The following FGD5 variants were observed in gnomAD, a reference collection of about 807,000 sequenced individuals.
FGD5 encodes the protein FYVE, RhoGEF and PH domain containing 5, also known as FYVE, RhoGEF and PH domain-containing protein 5.
A neutral mutation model predicts 133.4 loss-of-function variants in FGD5; 28 were observed. That is an observed-to-expected ratio of 0.21 (90% CI 0.16 to 0.29). FGD5 has a LOEUF of 0.29. Among genes scored for constraint, FGD5 ranks in the 10% least tolerant of loss-of-function variants. The pLI, the probability that FGD5 is intolerant of heterozygous loss-of-function variation, is 1.00. For synonymous variants in FGD5, 810 were observed against 776.5 expected, an observed-to-expected ratio of 1.04 and a Z score of -0.72; for missense variants, 1,858 against 1,895.2, an observed-to-expected ratio of 0.98 and a Z score of 0.36.
chr3:14,851,647 T>C (rs1289686348), intron 1 of FGD5, among the ~76,000 whole-genome samples: 5 of 152,294 alleles, frequency 3.3e-5, no homozygotes, highest in South Asian at 4.1e-4. Context: ...GGCTTACATA[T>C]TGTTCTTGAA....
At position 14,922,895 on chromosome 3, in the gene FGD5, A is replaced by G; in HGVS notation, c.3808-151A>G. ...CAGAAACAAGATGAAGCCTTGCCGGAAAAGTAGGGGACACGCACAGCTCCA... is the reference window on the plus strand; with the variant it reads ...CAGAAACAAGATGAAGCCTTGCCGGGAAAGTAGGGGACACGCACAGCTCCA... On this transcript the variant is annotated intron_variant, in intron 15 of 19. Coordinates refer to ENST00000285046, the MANE Select transcript of FGD5 (RefSeq NM_152536.4). The surrounding 1 kb of genome is among the most constrained non-coding windows in gnomAD (Gnocchi z 4.1). 3 of 1,141,862 alleles carry G rather than the reference A, an allele frequency of 2.6e-6. No homozygotes were observed. The East Asian group carries it at 7.2e-5, about 27-fold the overall frequency. 70.7% of individuals were successfully genotyped at this position (1,141,862 alleles called of 1,614,324 possible).
chr3:14,917,416 C>T lies in FGD5; in HGVS notation c.3489+84C>T, dbSNP rs1462864652. On this transcript the variant is annotated intron_variant, in intron 12 of 19. Transcript: ENST00000285046. The surrounding 1 kb of genome is among the most constrained non-coding windows in gnomAD (Gnocchi z 4.1). ...GGGGACAGCATCCTGCTCCCAGGAGCACCCAGACCAGCTGGAAGAGGGAGG... is the reference window on the plus strand; with the variant it reads ...GGGGACAGCATCCTGCTCCCAGGAGTACCCAGACCAGCTGGAAGAGGGAGG... 7.9e-7 allele frequency: 1 copy of T among 1,258,706 alleles called. No individual in the cohort carries two copies. Among genetic ancestry groups the T allele is most frequent in the Non-Finnish European group, 1.1e-6 (1 of 889,846 alleles). The allele number at this position is 1,258,706 out of a possible 1,614,324, so 78.0% of individuals were successfully genotyped here.
chr3:14,918,905 A>G, intron 13 of FGD5, 72 bp downstream of exon 13: 3 of 1,502,816 alleles, frequency 2.0e-6, no homozygotes, highest in African/African-American at 1.4e-5. Context: ...AACAACAGAT[A>G]AGGATGTGCT....
rs746189207 is a variant in FGD5, at chr3:14,819,690, C to T, written c.619C>T (p.Pro207Ser). Residue 207 changes from proline (P) to serine (S), a missense_variant, in exon 1 of 20, where the codon CCC becomes TCC. Transcript: ENST00000285046. This position sits in a 1 kb window ranked among gnomAD's most constrained non-coding sequence, Gnocchi z 4.1. ...CATCCATGGAGAGGACCAGGAGCCC[C>T]CCGACACCCCCGGGGAGGCAGAGGA... ...PHIHGEDQEPPDTPGEAEEDD... is the reference protein window; with the variant it reads ...PHIHGEDQEPSDTPGEAEEDD... 59 of 1,538,700 alleles carry T rather than the reference C, an allele frequency of 3.8e-5. No individual in the cohort carries two copies. The highest frequency in any genetic ancestry group is 1.7e-4 in the Middle Eastern group (1 of 5,864).
intron 1 of FGD5, among the ~76,000 whole-genome samples, chr3:14,825,742 T>G (rs1383303972): frequency 1.3e-5 from 2 of 152,172 alleles, no homozygotes; most frequent in Middle Eastern, 6.4e-3. Flanking sequence ...AGAGATCTAG[T>G]CCAACACCCT....
rs755777159 is a variant in FGD5 at position 14,819,904 on chromosome 3, G to T, written c.833G>T (p.Gly278Val). ...GACTGCCCTGAAGTTCTTGAGGAGGGATGTGAAGAGGCCACGGGTGTCACA... is the reference window on the plus strand; with the variant it reads ...GACTGCCCTGAAGTTCTTGAGGAGGTATGTGAAGAGGCCACGGGTGTCACA... Reference protein sequence around the residue: ...ATDCPEVLEEGCEEATGVTGG... With the variant: ...ATDCPEVLEEVCEEATGVTGG... Residue 278 changes from glycine to valine, a missense_variant, in exon 1 of 20, where the codon GGA becomes GTA. Physicochemically the swap from Gly to Val is moderately radical, Grantham distance 109. Around this residue, in one of 3 missense-constraint regions of FGD5, gnomAD observed 1,824 missense variants for 1,848.9 expected, o/e 0.99. Coordinates refer to ENST00000285046, the MANE Select transcript of FGD5 (RefSeq NM_152536.4). The surrounding 1 kb of genome is among the most constrained non-coding windows in gnomAD (Gnocchi z 4.1). The T allele has an allele frequency of 6.2e-7, 1 of 1,613,922 alleles. No homozygotes were observed. The highest frequency in any genetic ancestry group is 1.3e-5 in the African/African-American group (1 of 75,044).
chr3:14,880,458 T>C, intron 2 of FGD5, 114 bp from the exon 3 acceptor site: 1 of 816,372 alleles, frequency 1.2e-6, no homozygotes. Context: ...ATACAAGTAA[T>C]GAGTGCCAGG....
At chr3:14,881,889 A>G (rs6804922) in intron 4 of FGD5, among the ~76,000 whole-genome samples, 86,787 of 151,986 alleles carry the variant, frequency 0.57, 25,241 homozygotes, top group African/African-American at 0.64. Flanking sequence ...GGCAGGGACC[A>G]TCTCTGGGTG....
At chr3:14,914,674 A>C (rs2038517810) in intron 11 of FGD5, among the ~76,000 whole-genome samples, 1 of 152,108 alleles carries the variant, frequency 6.6e-6, no homozygotes, top group African/African-American at 2.4e-5. Flanking sequence ...CAGCCCTGAC[A>C]TTCCCTCCCG....
intron 1 of FGD5, among the ~76,000 whole-genome samples, chr3:14,862,349 G>C (rs933131116): frequency 6.6e-6 from 1 of 152,236 alleles, no homozygotes; most frequent in Non-Finnish European, 1.5e-5. Context: ...TCTGGAGGGA[G>C]GGGAGTGAGG....
rs546323951 is a variant in FGD5 at position 14,902,860 on chromosome 3, C to T, written c.3264+1799C>T. On this transcript the variant is annotated intron_variant, in intron 9 of 19. Transcript: ENST00000285046. ...AGGCAGGGATACATCTTCCCTCCTA[C>T]GGGGAGCTTGCACACACAGCCCCAC... is the stretch of plus-strand genomic sequence containing the variant. Among the ~76,000 whole-genome samples, 193 of 152,302 alleles carry T rather than the reference C, an allele frequency of 1.3e-3. 2 individuals carry two copies. The highest frequency in any genetic ancestry group is 3.3e-3 in the African/African-American group (136 of 41,558).
chr3:14,874,137 A>G (rs2037669935), intron 2 of FGD5, among the ~76,000 whole-genome samples: 1 of 152,220 alleles, frequency 6.6e-6, no homozygotes, highest in South Asian at 2.1e-4. Flanking sequence ...ATTTGCAACG[A>G]TGTGAATGAA....
chr3:14,873,539 C>T (rs1627256), intron 2 of FGD5, among the ~76,000 whole-genome samples: 9 of 151,936 alleles, frequency 5.9e-5, no homozygotes, highest in Admixed American at 1.3e-4. Flanking sequence ...GAATTAAGTG[C>T]GATGGGGAGG....
At chr3:14,912,911 C>G (rs1363338696) in intron 11 of FGD5, among the ~76,000 whole-genome samples, 1 of 152,122 alleles carries the variant, frequency 6.6e-6, no homozygotes, top group East Asian at 1.9e-4. Flanking sequence ...TGGCGTGTCC[C>G]TGTAGTCCTA....
At chr3:14,914,324 C>A (rs1049173088) in intron 11 of FGD5, among the ~76,000 whole-genome samples, 1 of 152,262 alleles carries the variant, frequency 6.6e-6, no homozygotes, top group Non-Finnish European at 1.5e-5. Flanking sequence ...CAGGCAGCGA[C>A]GTCCTTGAGC....
chr3:14,897,458 C>A, intron 4 of FGD5, 51 bp from the exon 5 acceptor site: 1 of 1,567,956 alleles, frequency 6.4e-7, no homozygotes, highest in East Asian at 2.3e-5. Context: ...CCAAGGAGGA[C>A]TTGTGCTCAG....
intron 1 of FGD5, among the ~76,000 whole-genome samples, chr3:14,831,620 G>A (rs575385497): frequency 9.2e-5 from 14 of 152,326 alleles, no homozygotes; most frequent in Non-Finnish European, 1.6e-4. Flanking sequence ...ACCAGAGGGA[G>A]GGTAGGAGGG....
chr3:14,841,462 T>G (rs928542040), intron 1 of FGD5, among the ~76,000 whole-genome samples: 1 of 151,986 alleles, frequency 6.6e-6, no homozygotes, highest in Admixed American at 6.5e-5. Context: ...TTATGGAGGA[T>G]TGATGAGTGG....
At chr3:14,832,027 G>A (rs947559122) in intron 1 of FGD5, among the ~76,000 whole-genome samples, 2 of 152,116 alleles carry the variant, frequency 1.3e-5, no homozygotes, top group Non-Finnish European at 1.5e-5. Context: ...GAACCAGAGA[G>A]GCAGCATGGC....
Sources: allele counts gnomAD v4.1 joint callset (sites outside exome capture counted in the v4.1 genomes callset), GRCh38; gene constraint gnomAD v4.1.1; regional missense constraint gnomAD v4.1.1; non-coding constraint Gnocchi (gnomAD v3.1); transcripts MANE v1.5; gene names NCBI Gene and HGNC (gene_info 2026-07-23, HGNC 2026-07-21).